RMI1: variants seen among roughly 807,000 people sequenced by gnomAD.
RMI1 encodes the protein RecQ mediated genome instability 1, also known as recQ-mediated genome instability protein 1.
In RMI1, 36 loss-of-function variants were observed where a neutral mutation model predicts 46.7. The ratio of observed to expected loss-of-function variants is 0.77; its 90% CI spans 0.59 to 1.02. The LOEUF is 1.02. Ranked by LOEUF, RMI1 falls within the 50% of genes least tolerant of loss-of-function variation. The probability of loss-of-function intolerance (pLI) is 0.00; values close to 1 mark genes in which losing one functional copy is unlikely to be tolerated. For missense variants in RMI1, 676 were observed against 713.7 expected (o/e 0.95, Z 0.60); for synonymous variants, 250 against 252.9 (o/e 0.99, Z 0.11).
At chr9:83,991,981 ATATAAATTTTAGAATCAG>A (rs1410818586) in intron 1 of RMI1, among the ~76,000 whole-genome samples, 1 of 152,190 alleles carries the variant, frequency 6.6e-6, no homozygotes, top group Non-Finnish European at 1.5e-5. Context: ...TTGCCGTTCC[ATATAAATTTTAGAATCAG>A]TTTGTTATTT....
chr9:83,990,343 C>G (rs1260493963), intron 1 of RMI1, among the ~76,000 whole-genome samples: 1 of 152,074 alleles, frequency 6.6e-6, no homozygotes, highest in African/African-American at 2.4e-5. Flanking sequence ...GAAACCCTGT[C>G]TCTACTAAAA....
chr9:83,990,233 G>C (rs1016124372), intron 1 of RMI1, among the ~76,000 whole-genome samples: 16 of 152,158 alleles, frequency 1.1e-4, no homozygotes, highest in Non-Finnish European at 1.8e-4. Context: ...AATACAGTTA[G>C]AGGCCGGGCG....
Position 84,001,696 on chromosome 9 carries a change from A to G in RMI1, c.710A>G (p.Asp237Gly), listed in dbSNP as rs374777125. Residue 237 changes from aspartate to glycine, a missense_variant, in exon 3 of 3, where the codon GAT becomes GGT. By Grantham distance (94) the Asp-to-Gly change is moderately conservative. Coordinates refer to ENST00000445877, the MANE Select transcript of RMI1 (RefSeq NM_001358291.2). ...ATTCCCAGAGTTACAGATGTTCTAG[A>G]TCCTGCATTAGGTCCTTCTGATGAA... ...ENIPRVTDVL[D>G]PALGPSDEEL... 2 of 1,613,862 alleles carry G rather than the reference A, an allele frequency of 1.2e-6. No homozygotes were observed. Among genetic ancestry groups the G allele is most frequent in the Non-Finnish European group, 1.7e-6 (2 of 1,179,970 alleles).
At chr9:83,987,385 T>C (rs1957507010) in intron 1 of RMI1, among the ~76,000 whole-genome samples, 1 of 152,218 alleles carries the variant, frequency 6.6e-6, no homozygotes, top group Non-Finnish European at 1.5e-5. Flanking sequence ...TTATCACTTT[T>C]CTGCTCCTTT....
chr9:83,991,478 AGTTT>A (rs1564081076), intron 1 of RMI1, among the ~76,000 whole-genome samples: 1 of 151,918 alleles, frequency 6.6e-6, no homozygotes, highest in South Asian at 2.1e-4. Flanking sequence ...ACCATACCCC[AGTTT>A]GTTTTAAAAA....
rs1188391261 is a variant in RMI1 at position 84,000,995 on chromosome 9, G to C, written c.9G>C (p.Val3=). The change falls in exon 3 of 3, where the codon GTG becomes GTC. Residue 3 remains valine (V), a synonymous_variant. Coordinates refer to ENST00000445877, the MANE Select transcript of RMI1 (RefSeq NM_001358291.2). ...TCTTTTATTTAAAAGAAATGAATGTGACTAGTATTGCATTAAGAGCTGAAA... is the reference window on the plus strand; with the variant it reads ...TCTTTTATTTAAAAGAAATGAATGTCACTAGTATTGCATTAAGAGCTGAAA... MN[V]TSIALRAETW... is the part of the protein sequence containing the mutation. 1.3e-6 allele frequency: 2 copies of C among 1,597,184 alleles called. No homozygotes were observed. Among genetic ancestry groups the C allele is most frequent in the Non-Finnish European group, 1.7e-6 (2 of 1,173,012 alleles).
intron 1 of RMI1, among the ~76,000 whole-genome samples, chr9:83,984,095 A>T (rs1488522996): frequency 2.0e-5 from 3 of 152,102 alleles, no homozygotes; most frequent in Non-Finnish European, 2.9e-5. Context: ...TGCATAAAAG[A>T]TGTACATAGT....
Position 84,001,280 on chromosome 9 carries a change from T to C in RMI1, c.294T>C (p.Pro98=). 6.2e-7 allele frequency: 1 copy of C among 1,614,132 alleles called. No individual in the cohort carries two copies. The highest frequency in any genetic ancestry group is 8.5e-7 in the Non-Finnish European group (1 of 1,179,978). The change falls in exon 3 of 3, where the codon CCT becomes CCC. Residue 98 remains proline, a synonymous_variant. Coordinates refer to ENST00000445877, the MANE Select transcript of RMI1 (RefSeq NM_001358291.2). ...QINSLVDVSQ[P]AYSQIQKLRG... The stretch of plus-strand genomic sequence containing the variant: ...ATTCCTTGGTTGATGTAAGTCAGCC[T>C]GCATACTCCCAGATACAGAAGTTGA...
chr9:84,002,777 T>G lies in RMI1; in HGVS notation c.1791T>G (p.Asn597Lys), dbSNP rs747656536. 43 of 1,612,714 alleles carry G rather than the reference T, an allele frequency of 2.7e-5. No homozygotes were observed. Among genetic ancestry groups the G allele is most frequent in the Non-Finnish European group, 3.6e-5 (43 of 1,178,836 alleles). The change falls in exon 3 of 3, where the codon AAT becomes AAG. Residue 597 changes from asparagine to lysine, a missense_variant. Coordinates refer to ENST00000445877, the MANE Select transcript of RMI1 (RefSeq NM_001358291.2). ...GCTGTCTAATGACTATTTCATTTAATCCTTCCTTGTCTAAAGCAATGGTAC... is the reference window on the plus strand; with the variant it reads ...GCTGTCTAATGACTATTTCATTTAAGCCTTCCTTGTCTAAAGCAATGGTAC... Reference protein sequence around the residue: ...DLCCLMTISFNPSLSKAMVLA... With the variant: ...DLCCLMTISFKPSLSKAMVLA...
chr9:83,985,944 GTT>G (rs1957483768), intron 1 of RMI1, among the ~76,000 whole-genome samples: 1 of 152,136 alleles, frequency 6.6e-6, no homozygotes, highest in African/African-American at 2.4e-5. Flanking sequence ...GGCAGGCTGA[GTT>G]TGCAGTGAGG....
intron 1 of RMI1, among the ~76,000 whole-genome samples, chr9:83,993,627 C>T (rs1046373764): frequency 2.0e-5 from 3 of 152,174 alleles, no homozygotes; most frequent in South Asian, 2.1e-4. Context: ...AATTTTCCCA[C>T]ATCCTCTCCA....
At chr9:83,993,415 C>G (rs994318512) in intron 1 of RMI1, among the ~76,000 whole-genome samples, 2 of 152,118 alleles carry the variant, frequency 1.3e-5, no homozygotes, top group Non-Finnish European at 2.9e-5. Context: ...TCGATTGTTT[C>G]TGTATCGTTA....
In RMI1 at chr9:83,992,916, A is replaced by G. The variant is rs192402077; in HGVS notation, c.-125-6793A>G. On this transcript the variant is annotated intron_variant, in intron 1 of 2. Transcript: ENST00000445877. ...TTTTTAAAATTGTAGTGAAAAGCAC[A>G]TCAAATAAATTTACCTACTGGTCTG... The G allele has an allele frequency of 1.9e-4, 29 of 152,238 alleles. No individual in the cohort carries two copies. In the East Asian group the frequency reaches 5.2e-3, roughly 27 times the overall value. The allele number at this position is 152,238 out of a possible 1,614,324, so 9.4% of individuals were successfully genotyped here. A position where few individuals can be genotyped will look rare whatever the true frequency, so the allele number is the denominator to read the frequency against.
chr9:83,986,875 A>T (rs1957498274), intron 1 of RMI1, among the ~76,000 whole-genome samples: 1 of 152,214 alleles, frequency 6.6e-6, no homozygotes, highest in African/African-American at 2.4e-5. Flanking sequence ...AAGTCAACTG[A>T]AAGTACACTT....
chr9:83,986,036 A>C (rs1004630268), intron 1 of RMI1, among the ~76,000 whole-genome samples: 2 of 152,302 alleles, frequency 1.3e-5, no homozygotes, highest in Admixed American at 1.3e-4. Flanking sequence ...AGCATATACC[A>C]GGAAGAGCAA....
At chr9:83,987,377 A>C (rs1026942153) in intron 1 of RMI1, among the ~76,000 whole-genome samples, 2 of 151,958 alleles carry the variant, frequency 1.3e-5, no homozygotes, top group African/African-American at 2.4e-5. Context: ...TTCTATTTTT[A>C]TCACTTTTCT....
chr9:83,980,699 C>G (rs1276202532), upstream of RMI1: 2 of 151,930 alleles, frequency 1.3e-5, no homozygotes, highest in East Asian at 3.9e-4. Flanking sequence ...TTCACGCGCA[C>G]AGGGAGGGGG....
At chr9:83,981,275 T>C (rs1211641691) in intron 1 of RMI1, among the ~76,000 whole-genome samples, 1 of 152,204 alleles carries the variant, frequency 6.6e-6, no homozygotes, top group African/African-American at 2.4e-5. Context: ...TGGAAGTATT[T>C]TGTAGTGTCG....
rs188055179 is a variant in RMI1, at chr9:83,980,813, G to T, written c.-204G>T. ...GGAAGAGGTAAAAAAGGAACTGGGA[G>T]CGCGCCGCGGCGGTTCCTGTCCTTA... is the stretch of plus-strand genomic sequence containing the variant. On this transcript the variant is annotated 5_prime_UTR_variant, in exon 1 of 3. Coordinates refer to ENST00000445877, the MANE Select transcript of RMI1 (RefSeq NM_001358291.2). 3,440 of 152,480 alleles carry T rather than the reference G, an allele frequency of 0.023. 52 individuals carry two copies. Among genetic ancestry groups the T allele is most frequent in the Middle Eastern group, 0.037 (11 of 298 alleles). 9.4% of individuals were successfully genotyped at this position (152,480 alleles called of 1,614,324 possible). A position where few individuals can be genotyped will look rare whatever the true frequency, so the allele number is the denominator to read the frequency against.
Sources: allele counts gnomAD v4.1 joint callset (sites outside exome capture counted in the v4.1 genomes callset), GRCh38; gene constraint gnomAD v4.1.1; transcripts MANE v1.5; gene names NCBI Gene and HGNC (gene_info 2026-07-23, HGNC 2026-07-21).